The following KIAA1549L variants were observed in gnomAD, a reference collection of about 807,000 sequenced individuals.
The protein encoded by KIAA1549L is UPF0606 protein KIAA1549L.
KIAA1549L carries 88 observed loss-of-function variants against 160.7 expected under a neutral mutation model. The observed-to-expected ratio is 0.55, with a 90% CI of 0.46 to 0.65. The LOEUF (loss-of-function observed/expected upper bound fraction) is 0.65. Ranked by LOEUF, KIAA1549L falls within the 30% of genes least tolerant of loss-of-function variation. The pLI is 0.00. For synonymous variants in KIAA1549L, 950 were observed against 976.7 expected, an observed-to-expected ratio of 0.97 and a Z score of 0.51; for missense variants, 2,258 against 2,437.5, an observed-to-expected ratio of 0.93 and a Z score of 1.55.
At chr11:33,552,066 C>G (rs1323516851) in intron 5 of KIAA1549L, 42 bp from the exon 6 acceptor site, 1 of 1,605,968 alleles carries the variant, frequency 6.2e-7, no homozygotes, top group Non-Finnish European at 8.5e-7. Context: ...GGAACTGAGA[C>G]ATGGAGCTTT....
intron 1 of KIAA1549L, among the ~76,000 whole-genome samples, chr11:33,502,753 C>T (rs188461722): frequency 6.6e-6 from 1 of 152,276 alleles, no homozygotes; most frequent in East Asian, 1.9e-4. Context: ...AGACCTGGGT[C>T]CAGACCTCAG....
chr11:33,618,480 T>G (rs201261292), intron 15 of KIAA1549L, 53 bp from the exon 16 acceptor site: 43 of 1,535,870 alleles, frequency 2.8e-5, no homozygotes, highest in Non-Finnish European at 3.7e-5. Flanking sequence ...CAGTGGAGAA[T>G]TCCATCTGTC....
chr11:33,542,630 C>T lies in KIAA1549L; in HGVS notation c.1067C>T (p.Pro356Leu). 6.2e-7 allele frequency: 1 copy of T among 1,613,938 alleles called. No homozygotes were observed. The highest frequency in any genetic ancestry group is 8.5e-7 in the Non-Finnish European group (1 of 1,179,866). The change falls in exon 2 of 21, where the codon CCC becomes CTC. Residue 356 changes from proline (P) to leucine (L), a missense_variant. By Grantham distance (98) the Pro-to-Leu change is moderately conservative (BLOSUM62 -3). Transcript: ENST00000658780. ...ATGGCAGAACTGTCCCATCCGTCTC[C>T]CCCTCCCCCAGCACTTGGAAGTCTT... ...SPMAELSHPSPPPPALGSLLQ... is the reference protein window; with the variant it reads ...SPMAELSHPSLPPPALGSLLQ...
rs1852582661 is a variant in KIAA1549L, at chr11:33,669,005, TCTC to T, written c.*852_*854del. On this transcript the variant is annotated 3_prime_UTR_variant, in exon 21 of 21. Coordinates refer to ENST00000658780, the MANE Select transcript of KIAA1549L (RefSeq NM_012194.3). Reference sequence around the variant, plus strand: ...TTGAAGGTGGCCTGAGAATGGAGCTTCTCTTTTTCTTGGGATAATAGATACATC... The same window carrying T: ...TTGAAGGTGGCCTGAGAATGGAGCTTTTTTTCTTGGGATAATAGATACATC... 1 of 152,172 alleles carries T rather than the reference TCTC, an allele frequency of 6.6e-6. No individual in the cohort carries two copies. The highest frequency in any genetic ancestry group is 1.5e-5 in the Non-Finnish European group (1 of 68,016). 9.4% of individuals were successfully genotyped at this position (152,172 alleles called of 1,614,324 possible).
rs370043590 is a variant in KIAA1549L, at chr11:33,645,946, C to T, written c.5670C>T (p.Ser1890=). The change falls in exon 17 of 21, where the codon AGC becomes AGT. Residue 1890 remains serine (S), a synonymous_variant. Transcript: ENST00000658780. ...QHLPYSEVVT[S]APGTMTRPRA... is the part of the protein sequence containing the mutation. Reference sequence around the variant, plus strand: ...TGCCCTATTCGGAGGTGGTGACCAGCGCTCCGGGGACCATGACGCGGCCCA... The same window carrying T: ...TGCCCTATTCGGAGGTGGTGACCAGTGCTCCGGGGACCATGACGCGGCCCA... 6.8e-5 allele frequency: 109 copies of T among 1,612,622 alleles called. No homozygotes were observed. Among genetic ancestry groups the T allele is most frequent in the East Asian group, 8.9e-5 (4 of 44,832 alleles).
intron 1 of KIAA1549L, among the ~76,000 whole-genome samples, chr11:33,405,635 A>G (rs2134075879): frequency 6.6e-6 from 1 of 151,882 alleles, no homozygotes; most frequent in Admixed American, 6.6e-5. Flanking sequence ...CAAGGTTGAC[A>G]GATAGAGAAC....
chr11:33,504,542 A>T (rs987006458), intron 1 of KIAA1549L, among the ~76,000 whole-genome samples: 1 of 151,642 alleles, frequency 6.6e-6, no homozygotes, highest in African/African-American at 2.4e-5. Flanking sequence ...ATCTTGGCTC[A>T]TTGCAACCTC....
intron 1 of KIAA1549L, among the ~76,000 whole-genome samples, chr11:33,540,695 G>A (rs1489083735): frequency 6.6e-6 from 1 of 152,158 alleles, no homozygotes; most frequent in East Asian, 1.9e-4. Context: ...TAGTGTCTTG[G>A]AGCTATATAT....
rs34208718 is a variant in KIAA1549L, at chr11:33,408,489, G to GTGTATATATATATATA, written c.238+31601_238+31602insGTATATATATATATAT. Among the ~76,000 whole-genome samples, 258 of 123,028 alleles carry GTGTATATATATATATA rather than the reference G, an allele frequency of 2.1e-3. 2 individuals are homozygous for GTGTATATATATATATA. The highest frequency in any genetic ancestry group is 7.6e-3 in the African/African-American group (234 of 30,984). 80.7% of individuals were successfully genotyped at this position (123,028 alleles called of 152,430 possible). ...ATATATATACATACTCTGTATATGTGTATATATATATATATATATATACAC... is the reference window on the plus strand; with the variant it reads ...ATATATATACATACTCTGTATATGTGTGTATATATATATATATATATATATATATATATATATACAC... On this transcript the variant is annotated intron_variant, in intron 1 of 20. Transcript: ENST00000658780.
intron 1 of KIAA1549L, among the ~76,000 whole-genome samples, chr11:33,535,675 T>TC: frequency 6.6e-6 from 1 of 151,498 alleles, no homozygotes. Flanking sequence ...CTGTCCCCCC[T>TC]CCAAAAAAGA....
intron 1 of KIAA1549L, among the ~76,000 whole-genome samples, chr11:33,476,237 A>G (rs927864255): frequency 6.6e-6 from 1 of 152,182 alleles, no homozygotes; most frequent in African/African-American, 2.4e-5. Context: ...ATGAGTGCAT[A>G]GGCCATGCTG....
intron 1 of KIAA1549L, among the ~76,000 whole-genome samples, chr11:33,496,234 A>G (rs2133077593): frequency 6.6e-6 from 1 of 152,276 alleles, no homozygotes; most frequent in South Asian, 2.1e-4. Context: ...AAAGTGCTGG[A>G]TGACAGGTGT....
At chr11:33,504,659 G>C (rs9988888) in intron 1 of KIAA1549L, among the ~76,000 whole-genome samples, 1 of 151,890 alleles carries the variant, frequency 6.6e-6, no homozygotes, top group African/African-American at 2.4e-5. Flanking sequence ...GTAGAGATGG[G>C]GTTTCACCAT....
intron 1 of KIAA1549L, among the ~76,000 whole-genome samples, chr11:33,536,850 G>C (rs1226475843): frequency 1.3e-5 from 2 of 152,228 alleles, no homozygotes; most frequent in Admixed American, 6.5e-5. Context: ...GACCACTGCA[G>C]GTGTTTTCTA....
At chr11:33,643,975 A>G (rs1255074947) in intron 16 of KIAA1549L, among the ~76,000 whole-genome samples, 2 of 152,236 alleles carry the variant, frequency 1.3e-5, no homozygotes, top group Admixed American at 1.3e-4. Context: ...TAAGAGCAGA[A>G]GAGCCCCAAT....
chr11:33,557,072 C>T (rs950313413), intron 6 of KIAA1549L, among the ~76,000 whole-genome samples: 6 of 152,142 alleles, frequency 3.9e-5, no homozygotes, highest in Non-Finnish European at 7.3e-5. Flanking sequence ...ACTGCAGCCT[C>T]GGACTCCTGG....
intron 1 of KIAA1549L, among the ~76,000 whole-genome samples, chr11:33,454,799 C>A (rs1851788470): frequency 6.6e-6 from 1 of 152,026 alleles, no homozygotes; most frequent in Admixed American, 6.6e-5. Context: ...TTTTAAAAAA[C>A]CATTTGGTGG....
chr11:33,586,420 G>A (rs546053141), intron 11 of KIAA1549L, among the ~76,000 whole-genome samples: 1 of 152,282 alleles, frequency 6.6e-6, no homozygotes, highest in East Asian at 1.9e-4. Context: ...TCTGCAGGTA[G>A]AATGGTGAAA....
chr11:33,436,223 C>T (rs977099995), intron 1 of KIAA1549L, among the ~76,000 whole-genome samples: 5 of 152,018 alleles, frequency 3.3e-5, no homozygotes, highest in Non-Finnish European at 5.9e-5. Context: ...GACCATAAAA[C>T]GTAATATGCA....
Sources: gnomAD v4.1 joint callset for allele counts (sites outside exome capture counted in the v4.1 genomes callset) on GRCh38, gnomAD v4.1.1 for gene constraint, MANE v1.5 for transcripts, NCBI Gene and HGNC (gene_info 2026-07-23, HGNC 2026-07-21) for gene names.